The following RBFOX1 variants were observed in gnomAD, a reference collection of about 807,000 sequenced individuals.
The protein encoded by RBFOX1 is RNA binding protein fox-1 homolog 1.
RBFOX1 carries 8 observed loss-of-function variants against 57.7 expected under a neutral mutation model. The observed-to-expected ratio is 0.14, with a 90% confidence interval of 0.08 to 0.25. The LOEUF (loss-of-function observed/expected upper bound fraction) is 0.25. Ranked by LOEUF, RBFOX1 falls within the 10% of genes least tolerant of loss-of-function variation. RBFOX1 has a pLI of 1.00. For synonymous variants in RBFOX1, 326 were observed against 222.4 expected (o/e 1.47, Z -4.15); for missense variants, 611 against 548.5 (o/e 1.11, Z -1.14).
rs570704275 is a variant in RBFOX1, at chr16:7,157,515, C to G, written c.27+105417C>G. ...TGGGATTCGTTGGGGGCCTGTGGAA[C>G]TATTCAGAATCCAGTGAACACCAAC... is the stretch of plus-strand genomic sequence containing the variant. On this transcript the variant is annotated intron_variant, in intron 4 of 15. Coordinates refer to ENST00000550418, the MANE Select transcript of RBFOX1 (RefSeq NM_018723.4). 7.2e-5 allele frequency among the ~76,000 whole-genome samples: 11 copies of G among 152,182 alleles called. No individual in the cohort carries two copies. The South Asian group carries it at 2.3e-3, about 32-fold the overall frequency.
chr16:6,921,064 G>A (rs944924979), intron 3 of RBFOX1, among the ~76,000 whole-genome samples: 1 of 152,122 alleles, frequency 6.6e-6, no homozygotes, highest in East Asian at 1.9e-4. Flanking sequence ...GGCTCAGCAG[G>A]TGTTGGTTTG....
At chr16:7,296,655 T>G (rs898087758) in intron 4 of RBFOX1, among the ~76,000 whole-genome samples, 1 of 152,230 alleles carries the variant, frequency 6.6e-6, no homozygotes, top group Non-Finnish European at 1.5e-5. Flanking sequence ...GATGGGCATA[T>G]GGCTGCTTTT....
intron 3 of RBFOX1, among the ~76,000 whole-genome samples, chr16:5,727,528 A>G (rs1214809875): frequency 2.0e-5 from 3 of 152,200 alleles, no homozygotes; most frequent in African/African-American, 4.8e-5. Flanking sequence ...TTTCAAATGT[A>G]CAATACAGTG....
intron 14 of RBFOX1, among the ~76,000 whole-genome samples, chr16:7,691,715 C>CA (rs1317504539): frequency 6.6e-6 from 1 of 152,122 alleles, no homozygotes; most frequent in African/African-American, 2.4e-5. Flanking sequence ...TGATGTCTAG[C>CA]ACATTGGACA....
chr16:6,501,128 ATTCT>A (rs1419414782), intron 2 of RBFOX1, among the ~76,000 whole-genome samples: 8 of 116,406 alleles, frequency 6.9e-5, no homozygotes, highest in Admixed American at 5.8e-4. Flanking sequence ...CCAGTTAAAC[ATTCT>A]TTTTTTTTTT....
At chr16:5,386,629 C>A (rs572689053) in intron 1 of RBFOX1, among the ~76,000 whole-genome samples, 1 of 152,272 alleles carries the variant, frequency 6.6e-6, no homozygotes, top group East Asian at 1.9e-4. Flanking sequence ...GGTCCCACTG[C>A]CTGGAATGAA....
chr16:7,254,080 C>G (rs2094585207), intron 4 of RBFOX1, among the ~76,000 whole-genome samples: 1 of 152,094 alleles, frequency 6.6e-6, no homozygotes, highest in African/African-American at 2.4e-5. Flanking sequence ...TGTTGTTGTG[C>G]TAAGAATGCC....
At chr16:5,739,690 T>A (rs1484908350) in intron 3 of RBFOX1, among the ~76,000 whole-genome samples, 1 of 152,174 alleles carries the variant, frequency 6.6e-6, no homozygotes, top group African/African-American at 2.4e-5. Context: ...AAACTTAGAA[T>A]TCTTAGAGCC....
At chr16:6,499,263 ACAC>A (rs1317941220) in intron 2 of RBFOX1, among the ~76,000 whole-genome samples, 1 of 152,142 alleles carries the variant, frequency 6.6e-6, no homozygotes, top group Non-Finnish European at 1.5e-5. Context: ...TTTGAAAGCT[ACAC>A]TGGAATTAGA....
chr16:6,395,353 A>G (rs1334166732), intron 2 of RBFOX1, among the ~76,000 whole-genome samples: 3 of 152,212 alleles, frequency 2.0e-5, no homozygotes, highest in African/African-American at 4.8e-5. Flanking sequence ...AAGCCATGTT[A>G]TACTTCTTCT....
At chr16:6,010,476 C>T (rs1001192532) in intron 4 of RBFOX1, among the ~76,000 whole-genome samples, 3 of 152,248 alleles carry the variant, frequency 2.0e-5, no homozygotes, top group Non-Finnish European at 4.4e-5. Flanking sequence ...GCTTCTGTCT[C>T]TTCTCCATTT....
At chr16:7,458,917 T>C (rs891675790) in intron 4 of RBFOX1, among the ~76,000 whole-genome samples, 1 of 152,252 alleles carries the variant, frequency 6.6e-6, no homozygotes, top group African/African-American at 2.4e-5. Context: ...TCCAACCGGG[T>C]AGATATTTTA....
At chr16:7,109,798 C>A (rs1275504502) in intron 4 of RBFOX1, among the ~76,000 whole-genome samples, 1 of 152,114 alleles carries the variant, frequency 6.6e-6, no homozygotes, top group African/African-American at 2.4e-5. Flanking sequence ...GCTGAACAAA[C>A]CTGAATTGAC....
chr16:6,054,713 C>G lies in RBFOX1; in HGVS notation c.-127+34721C>G, dbSNP rs553990119. ...GTTTCTGTATGCTGTTGAAGGGAAACTCACAGATTTGCACACATCTTCACA... is the reference window on the plus strand; with the variant it reads ...GTTTCTGTATGCTGTTGAAGGGAAAGTCACAGATTTGCACACATCTTCACA... On this transcript the variant is annotated intron_variant, in intron 1 of 15. Coordinates refer to ENST00000550418, the MANE Select transcript of RBFOX1 (RefSeq NM_018723.4). Among the ~76,000 whole-genome samples the G allele has an allele frequency of 2.0e-5, 3 of 152,300 alleles. No homozygotes were observed. The East Asian group carries it at 5.8e-4, about 29-fold the overall frequency.
At chr16:6,890,480 T>C (rs537123478) in intron 3 of RBFOX1, among the ~76,000 whole-genome samples, 137 of 152,062 alleles carry the variant, frequency 9.0e-4, no homozygotes, top group Non-Finnish European at 1.6e-3. Flanking sequence ...GATAGCACCA[T>C]GGCACTCCAG....
At position 7,223,432 on chromosome 16, in the gene RBFOX1, A is replaced by G. The variant is rs138903783; in HGVS notation, c.27+171334A>G. Among the ~76,000 whole-genome samples the G allele has an allele frequency of 1.4e-3, 207 of 152,346 alleles. 2 individuals are homozygous for G. The highest frequency in any genetic ancestry group is 4.8e-3 in the African/African-American group (198 of 41,590). On this transcript the variant is annotated intron_variant, in intron 4 of 15. Coordinates refer to ENST00000550418, the MANE Select transcript of RBFOX1 (RefSeq NM_018723.4). ...GAAAAGATAAACCAAATCAAAATGT[A>G]TATTCCATTGAATCATGACAAATTC...
At chr16:7,196,139 G>A (rs1303857383) in intron 4 of RBFOX1, among the ~76,000 whole-genome samples, 1 of 151,998 alleles carries the variant, frequency 6.6e-6, no homozygotes, top group East Asian at 1.9e-4. Flanking sequence ...TTTTCTAAAG[G>A]AAGTAAAGGA....
At chr16:5,288,584 T>A (rs1276347022) in intron 1 of RBFOX1, among the ~76,000 whole-genome samples, 1 of 151,842 alleles carries the variant, frequency 6.6e-6, no homozygotes, top group Non-Finnish European at 1.5e-5. Flanking sequence ...ATCCTTGTAA[T>A]CCCTGGTATT....
At chr16:5,968,327 A>G (rs900266328) in intron 4 of RBFOX1, among the ~76,000 whole-genome samples, 1 of 152,102 alleles carries the variant, frequency 6.6e-6, no homozygotes. Flanking sequence ...CCCCCGCCTC[A>G]GCCTCCCCAA....
Sources: gnomAD v4.1 joint callset for allele counts (sites outside exome capture counted in the v4.1 genomes callset) on GRCh38, gnomAD v4.1.1 for gene constraint, MANE v1.5 for transcripts, NCBI Gene and HGNC (gene_info 2026-07-23, HGNC 2026-07-21) for gene names.